EPG5: variants seen among roughly 807,000 people sequenced by gnomAD.
EPG5 encodes ectopic P-granules 5 autophagy tethering factor, also known as ectopic P granules protein 5 homolog.
In EPG5, 159 loss-of-function variants were observed where a neutral mutation model predicts 302.7. The observed-to-expected ratio is 0.53, with a 90% CI of 0.46 to 0.60. The LOEUF (loss-of-function observed/expected upper bound fraction) is 0.60, where lower values mean the gene tolerates loss of function less well. Ranked by LOEUF, EPG5 falls within the 20% of genes least tolerant of loss-of-function variation. EPG5 has a pLI of 0.00. For synonymous variants in EPG5, 1,158 were observed against 1,136.8 expected, an observed-to-expected ratio of 1.02 and a Z score of -0.37; for missense variants, 2,896 against 3,092.4, an observed-to-expected ratio of 0.94 and a Z score of 1.51.
chr18:45,822,305 T>A, the EPG5 span, among the ~76,000 whole-genome samples: 1 of 152,204 alleles, frequency 6.6e-6, no homozygotes, highest in Non-Finnish European at 1.5e-5. Context: ...AGTTAAATAC[T>A]GCATATTCTC....
At chr18:45,902,413 T>C (rs1306583076) in intron 25 of EPG5, among the ~76,000 whole-genome samples, 2 of 152,200 alleles carry the variant, frequency 1.3e-5, no homozygotes, top group African/African-American at 2.4e-5. Context: ...GAGGCCATGA[T>C]GCTAAAGGAA....
At chr18:45,958,442 A>G (rs1459379974) in intron 1 of EPG5, among the ~76,000 whole-genome samples, 1 of 150,594 alleles carries the variant, frequency 6.6e-6, no homozygotes, top group African/African-American at 2.5e-5. Flanking sequence ...AAAGTACAGT[A>G]ATAAAGACAG....
intron 27 of EPG5, among the ~76,000 whole-genome samples, chr18:45,899,100 G>A (rs953001364): frequency 9.2e-5 from 14 of 152,078 alleles, no homozygotes; most frequent in African/African-American, 3.1e-4. Flanking sequence ...ACTCCAGCCT[G>A]GGGACTCCGT....
chr18:45,965,998 AGCCGAGATTGCACTCC>A (rs1291322061), intron 1 of EPG5, among the ~76,000 whole-genome samples: 23 of 151,998 alleles, frequency 1.5e-4, no homozygotes, highest in South Asian at 6.2e-4. Flanking sequence ...GGTTGCGGTG[AGCCGAGATTGCACTCC>A]GCCGAGATTG....
downstream of EPG5, among the ~76,000 whole-genome samples, chr18:45,846,342 G>A (rs972924117): frequency 5.9e-5 from 9 of 151,886 alleles, no homozygotes; most frequent in African/African-American, 1.7e-4. Context: ...CCAACAAGGC[G>A]AAACCCCGCC....
Position 45,954,426 on chromosome 18 carries a change from A to G in EPG5, c.976T>C (p.Trp326Arg). ...GACATTTGTTCCTCCTTAAACTGCCACAGCCGACTTTTAGCATTTTGGCAA... is the reference window on the plus strand; with the variant it reads ...GACATTTGTTCCTCCTTAAACTGCCGCAGCCGACTTTTAGCATTTTGGCAA... ...SDCQNAKSRLWQFKEEQMSVQ... is the reference protein window; with the variant it reads ...SDCQNAKSRLRQFKEEQMSVQ... Residue 326 changes from tryptophan (W) to arginine (R), a missense_variant, in exon 2 of 44, where the codon TGG (tryptophan) becomes CGG (arginine). By Grantham distance (101) the Trp-to-Arg change is moderately radical. Transcript: ENST00000282041. 1 of 1,612,946 alleles carries G rather than the reference A, an allele frequency of 6.2e-7. No homozygotes were observed. The highest frequency in any genetic ancestry group is 1.1e-5 in the South Asian group (1 of 90,928).
At chr18:45,924,295 G>A (rs1285239199) in intron 14 of EPG5, among the ~76,000 whole-genome samples, 4 of 152,220 alleles carry the variant, frequency 2.6e-5, no homozygotes, top group Non-Finnish European at 5.9e-5. Flanking sequence ...GAGAGCCTAG[G>A]TGATTCTGTT....
At position 45,887,574 on chromosome 18, in the gene EPG5, T is replaced by C. The variant is rs144272370; in HGVS notation, c.5109+177A>G. Among the ~76,000 whole-genome samples, 35 of 152,314 alleles carry C rather than the reference T, an allele frequency of 2.3e-4. No homozygotes were observed. The East Asian group carries it at 6.5e-3, about 28-fold the overall frequency. ...ATCTCCCTTGTATGAGAAGCAAAAT[T>C]CTATACCAACAATTCTAATCATATT... On this transcript the variant is annotated intron_variant, in intron 29 of 43. Transcript: ENST00000282041.
the EPG5 span, chr18:45,825,514 A>T: frequency 1.7e-6 from 1 of 573,016 alleles, no homozygotes; most frequent in Non-Finnish European, 3.1e-6. Flanking sequence ...GGTTTTCCAC[A>T]TGACTAAACT....
chr18:45,866,942 C>T lies in EPG5; in HGVS notation c.6477G>A (p.Val2159=). The T allele has an allele frequency of 6.2e-7, 1 of 1,614,144 alleles. No homozygotes were observed. The highest frequency in any genetic ancestry group is 8.5e-7 in the Non-Finnish European group (1 of 1,180,006). The part of the protein sequence containing the change: ...SSLSWHLVDI[V]SYQSVLSYFS... ...AATAACTTAGCACACTCTGGTACGA[C>T]ACAATATCCACAAGATGCCATGAAA... The change falls in exon 38 of 44, where the codon GTG becomes GTA. Residue 2159 remains valine (V), a synonymous_variant. Coordinates refer to ENST00000282041, the MANE Select transcript of EPG5 (RefSeq NM_020964.3).
Position 45,913,777 on chromosome 18 carries a change from A to C in EPG5, c.3745T>G (p.Ser1249Ala), listed in dbSNP as rs1034556998. 14 of 1,614,144 alleles carry C rather than the reference A, an allele frequency of 8.7e-6. No individual in the cohort carries two copies. The highest frequency in any genetic ancestry group is 1.2e-5 in the Non-Finnish European group (14 of 1,179,992). Residue 1249 changes from serine to alanine, a missense_variant, in exon 21 of 44, where the codon TCC (serine) becomes GCC (alanine). Around this residue, in one of 5 missense-constraint regions of EPG5, gnomAD observed 64 missense variants for 101.8 expected, o/e 0.63. Transcript: ENST00000282041. ...LNMESIFEED[S>A]QLRRVIEGEL... ...CCTTCAATAACTCTCCGGAGCTGGG[A>C]GTCCTCTTCAAAGATGGATTCCATG...
chr18:45,967,292 A>C lies in EPG5; in HGVS notation c.-53T>G, dbSNP rs1021541688. Reference sequence around the variant, plus strand: ...TGTTTTTGTCAAACCCCTGCGCTTCAAGCAACCTGCCCGGTTCTGGCCTCC... The same window carrying C: ...TGTTTTTGTCAAACCCCTGCGCTTCCAGCAACCTGCCCGGTTCTGGCCTCC... On this transcript the variant is annotated 5_prime_UTR_variant, in exon 1 of 44. Transcript: ENST00000282041. 2 of 1,502,476 alleles carry C rather than the reference A, an allele frequency of 1.3e-6. No individual in the cohort carries two copies. Among genetic ancestry groups the C allele is most frequent in the African/African-American group, 1.4e-5 (1 of 71,608 alleles). 93.1% of individuals were successfully genotyped at this position (1,502,476 alleles called of 1,614,324 possible). A position where few individuals can be genotyped will look rare whatever the true frequency, so the allele number is the denominator to read the frequency against.
At chr18:45,934,157 C>T (rs537464752) in intron 11 of EPG5, among the ~76,000 whole-genome samples, 12 of 151,718 alleles carry the variant, frequency 7.9e-5, no homozygotes, top group African/African-American at 2.4e-4. Context: ...GGCGTGATAG[C>T]GTGGACCTGT....
chr18:45,953,669 G>A lies in EPG5; in HGVS notation c.1008+725C>T, dbSNP rs145645478. ...CATCCCCTCTCAAACTTGAGAGGAC[G>A]TCTCCCCCTTCCTTTGGGGGCTCTG... is the stretch of plus-strand genomic sequence containing the variant. On this transcript the variant is annotated intron_variant, in intron 2 of 43. Transcript: ENST00000282041. 33 of 985,322 alleles carry A rather than the reference G, an allele frequency of 3.3e-5. No individual in the cohort carries two copies. In the Admixed American group the frequency reaches 5.5e-4, roughly 16 times the overall value. 61.0% of individuals were successfully genotyped at this position (985,322 alleles called of 1,614,324 possible).
chr18:45,943,145 G>A lies in EPG5; in HGVS notation c.1943+16C>T, dbSNP rs758191495. ...GGTGAAAGGAACAGAGAAGGGTAGAGCAACAGCAGTATTACCTGATCATAT... is the reference window on the plus strand; with the variant it reads ...GGTGAAAGGAACAGAGAAGGGTAGAACAACAGCAGTATTACCTGATCATAT... On this transcript the variant is annotated intron_variant, in intron 9 of 43. Transcript: ENST00000282041. 6.2e-7 allele frequency: 1 copy of A among 1,612,518 alleles called. No homozygotes were observed. The highest frequency in any genetic ancestry group is 1.1e-5 in the South Asian group (1 of 90,988).
intron 24 of EPG5, 37 bp from the exon 25 acceptor site, chr18:45,904,154 A>G: frequency 6.3e-7 from 1 of 1,594,950 alleles, no homozygotes; most frequent in Non-Finnish European, 8.5e-7. Flanking sequence ...TCTGACAGAC[A>G]AGTCATAGAT....
intron 15 of EPG5, 66 bp downstream of exon 15, chr18:45,923,202 T>C: frequency 6.4e-7 from 1 of 1,558,296 alleles, no homozygotes; most frequent in Admixed American, 1.8e-5. Context: ...AAGTCTATCA[T>C]CTTTATTTCT....
intron 12 of EPG5, 123 bp from the exon 13 acceptor site, chr18:45,929,132 G>A: frequency 2.0e-6 from 2 of 993,490 alleles, no homozygotes; most frequent in South Asian, 3.4e-5. Flanking sequence ...TTGACACTAT[G>A]TTCCAAAAAA....
At chr18:45,889,769 T>C (rs1452282632) in intron 28 of EPG5, 29 bp downstream of exon 28, 1 of 1,588,326 alleles carries the variant, frequency 6.3e-7, no homozygotes, top group African/African-American at 1.3e-5. Context: ...CAAAACAGTA[T>C]TTCAAATTAT....
Sources: gnomAD v4.1 joint callset for allele counts (sites outside exome capture counted in the v4.1 genomes callset) on GRCh38, gnomAD v4.1.1 for gene constraint, gnomAD v4.1.1 regional missense constraint, MANE v1.5 for transcripts, NCBI Gene and HGNC (gene_info 2026-07-23, HGNC 2026-07-21) for gene names.